ILRUN: variants seen among roughly 807,000 people sequenced by gnomAD.
ILRUN encodes protein ILRUN.
Under a neutral mutation model 33.8 loss-of-function variants are expected in ILRUN, and 3 were observed. The observed-to-expected ratio is 0.09, with a 90% CI of 0.04 to 0.23. The LOEUF is 0.23. ILRUN is among the 10% of genes least tolerant of loss of function. The probability of loss-of-function intolerance (pLI) is 1.00; values close to 1 mark genes in which losing one functional copy is unlikely to be tolerated. For synonymous variants in ILRUN, 124 were observed against 138.9 expected, an observed-to-expected ratio of 0.89 and a Z score of 0.75; for missense variants, 210 against 375.1, an observed-to-expected ratio of 0.56 and a Z score of 3.64.
chr6:34,620,428 A>G (rs1761990516), intron 3 of ILRUN, among the ~76,000 whole-genome samples: 1 of 152,216 alleles, frequency 6.6e-6, no homozygotes, highest in Non-Finnish European at 1.5e-5. Context: ...GTTAAGGGTA[A>G]CGTCTGAGGA....
chr6:34,656,235 CAAAAAAAAAA>C, intron 1 of ILRUN, among the ~76,000 whole-genome samples: 1 of 61,832 alleles, frequency 1.6e-5, no homozygotes, highest in African/African-American at 5.6e-5. Context: ...GACTCCGTCT[CAAAAAAAAAA>C]AAAAAAAAAA....
intron 4 of ILRUN, among the ~76,000 whole-genome samples, chr6:34,606,318 G>C (rs749987028): frequency 3.3e-5 from 5 of 152,254 alleles, no homozygotes; most frequent in South Asian, 4.1e-4. Flanking sequence ...AACCATAGCA[G>C]AGAGACAGGA....
In ILRUN at chr6:34,646,456, T is replaced by C. The variant is rs1328153651; in HGVS notation, c.511+145A>G. 1.5e-6 allele frequency: 1 copy of C among 677,120 alleles called. No homozygotes were observed. The highest frequency in any genetic ancestry group is 2.5e-6 in the Non-Finnish European group (1 of 403,636). The allele number at this position is 677,120 out of a possible 1,614,324, so 41.9% of individuals were successfully genotyped here. A position where few individuals can be genotyped will look rare whatever the true frequency, so the allele number is the denominator to read the frequency against. ...CTAGACTAATCAATTAGTCATAAAA[T>C]GCAAATCATTTACCTGCATGAGGTG... On this transcript the variant is annotated intron_variant, in intron 3 of 4. Coordinates refer to ENST00000374023, the MANE Select transcript of ILRUN (RefSeq NM_024294.4). The surrounding 1 kb of genome is among the most constrained non-coding windows in gnomAD (Gnocchi z 4.9).
Position 34,606,690 on chromosome 6 carries a change from T to G in ILRUN, c.726A>C (p.Thr242=). Residue 242 remains threonine (T), a synonymous_variant, in exon 4 of 5, where the codon ACA becomes ACC. Transcript: ENST00000374023. ...CCCATGTGTCAGGAGCAGGAGCCCATGTGTTTTTGCTGATCGAGTCGAACT... is the reference window on the plus strand; with the variant it reads ...CCCATGTGTCAGGAGCAGGAGCCCAGGTGTTTTTGCTGATCGAGTCGAACT... ...GSEFDSISKN[T]WAPAPDTWAP... is the part of the protein sequence containing the mutation. The G allele has an allele frequency of 6.2e-7, 1 of 1,614,120 alleles. No homozygotes were observed. Among genetic ancestry groups the G allele is most frequent in the Non-Finnish European group, 8.5e-7 (1 of 1,179,952 alleles).
chr6:34,690,233 G>A (rs979773095), intron 1 of ILRUN, among the ~76,000 whole-genome samples: 1 of 152,092 alleles, frequency 6.6e-6, no homozygotes, highest in African/African-American at 2.4e-5. Context: ...GGCTGAGGCA[G>A]GCAGATCACC....
At chr6:34,678,856 A>AAAAAAAAG (rs1763297249) in intron 1 of ILRUN, among the ~76,000 whole-genome samples, 3 of 149,854 alleles carry the variant, frequency 2.0e-5, no homozygotes, top group East Asian at 1.9e-4. Context: ...AAAAAAAAAA[A>AAAAAAAAG]AAAGAAAGAA....
intron 4 of ILRUN, among the ~76,000 whole-genome samples, chr6:34,590,883 C>T (rs1761281066): frequency 6.6e-6 from 1 of 152,194 alleles, no homozygotes; most frequent in Non-Finnish European, 1.5e-5. Flanking sequence ...CAATGCCAAC[C>T]TTCCTCCACC....
chr6:34,647,769 T>A (rs1216628989), intron 2 of ILRUN, among the ~76,000 whole-genome samples: 17 of 152,196 alleles, frequency 1.1e-4, no homozygotes. Context: ...TTCACTATGT[T>A]GGCCAGGCTG....
chr6:34,615,553 G>A (rs1354322627), intron 3 of ILRUN, among the ~76,000 whole-genome samples: 1 of 152,128 alleles, frequency 6.6e-6, no homozygotes, highest in Non-Finnish European at 1.5e-5. Context: ...CCGAGATCAT[G>A]CCACTACACT....
At chr6:34,630,003 T>C (rs1477334569) in intron 3 of ILRUN, among the ~76,000 whole-genome samples, 3 of 152,178 alleles carry the variant, frequency 2.0e-5, no homozygotes, top group Non-Finnish European at 4.4e-5. Context: ...CAATAACTGA[T>C]AATAAAATAG....
chr6:34,624,504 T>G lies in ILRUN; in HGVS notation c.512-17600A>C, dbSNP rs191814258. 4.7e-3 allele frequency among the ~76,000 whole-genome samples: 679 copies of G among 143,298 alleles called. 5 individuals are homozygous for G. The highest frequency in any genetic ancestry group is 0.015 in the African/African-American group (609 of 39,972). The allele number at this position is 143,298 out of a possible 152,430, so 94.0% of individuals were successfully genotyped here. A position where few individuals can be genotyped will look rare whatever the true frequency, so the allele number is the denominator to read the frequency against. ...ACACCTGGCTAATTTTGTTTTTTTG[T>G]TTTTTTTTTAGTAAAGATGGGGTTT... On this transcript the variant is annotated intron_variant, in intron 3 of 4. Coordinates refer to ENST00000374023, the MANE Select transcript of ILRUN (RefSeq NM_024294.4).
intron 4 of ILRUN, among the ~76,000 whole-genome samples, chr6:34,593,146 T>C (rs894152233): frequency 1.3e-5 from 2 of 152,168 alleles, no homozygotes; most frequent in Non-Finnish European, 2.9e-5. Flanking sequence ...GCCACTGTAC[T>C]TCAGCCTGCG....
intron 3 of ILRUN, among the ~76,000 whole-genome samples, chr6:34,615,135 G>A (rs1305034886): frequency 6.6e-6 from 1 of 152,160 alleles, no homozygotes; most frequent in Non-Finnish European, 1.5e-5. Flanking sequence ...CAATGTTGAT[G>A]TCTTTAACAA....
intron 3 of ILRUN, among the ~76,000 whole-genome samples, chr6:34,620,800 G>C (rs887804281): frequency 2.0e-5 from 3 of 152,178 alleles, no homozygotes; most frequent in Admixed American, 6.6e-5. Flanking sequence ...CTGCACTCCA[G>C]CCTGGATGAT....
intron 2 of ILRUN, among the ~76,000 whole-genome samples, chr6:34,648,748 TCA>T (rs1440139212): frequency 6.6e-6 from 1 of 152,162 alleles, no homozygotes; most frequent in Non-Finnish European, 1.5e-5. Flanking sequence ...GGGGCTGAAT[TCA>T]CAGTTATTCT....
chr6:34,608,419 A>G (rs1761677837), intron 3 of ILRUN, among the ~76,000 whole-genome samples: 1 of 152,114 alleles, frequency 6.6e-6, no homozygotes, highest in Non-Finnish European at 1.5e-5. Flanking sequence ...ATAGCTAAAC[A>G]TAGAATAGTA....
chr6:34,648,078 C>T (rs565819098), intron 2 of ILRUN, among the ~76,000 whole-genome samples: 3 of 152,242 alleles, frequency 2.0e-5, no homozygotes, highest in East Asian at 1.9e-4. Context: ...ACTAGTCAAG[C>T]GGTATAGGTA....
chr6:34,627,912 C>T (rs1762172040), intron 3 of ILRUN, among the ~76,000 whole-genome samples: 1 of 152,100 alleles, frequency 6.6e-6, no homozygotes, highest in Non-Finnish European at 1.5e-5. Context: ...CCATGTCAGC[C>T]AGGCTGGACT....
intron 4 of ILRUN, among the ~76,000 whole-genome samples, chr6:34,605,724 T>A (rs1761616203): frequency 6.6e-6 from 1 of 152,222 alleles, no homozygotes; most frequent in South Asian, 2.1e-4. Context: ...ACATAAACTT[T>A]ATTTTTAAAA....
Sources: gnomAD v4.1 joint callset for allele counts (sites outside exome capture counted in the v4.1 genomes callset) on GRCh38, gnomAD v4.1.1 for gene constraint, Gnocchi (gnomAD v3.1) non-coding constraint, MANE v1.5 for transcripts, NCBI Gene and HGNC (gene_info 2026-07-23, HGNC 2026-07-21) for gene names.